Variants in DGKD observed in about 807,000 individuals in gnomAD.
DGKD encodes DAG kinase delta.
A neutral mutation model predicts 154.4 loss-of-function variants in DGKD; 68 were observed. The observed-to-expected ratio is 0.44, with a 90% CI of 0.36 to 0.54. The LOEUF (loss-of-function observed/expected upper bound fraction) is 0.54, where lower values mean the gene tolerates loss of function less well. Ranked by LOEUF, DGKD falls within the 20% of genes least tolerant of loss-of-function variation. The probability of loss-of-function intolerance (pLI) is 0.00; values close to 1 mark genes in which losing one functional copy is unlikely to be tolerated. For synonymous variants in DGKD, 693 were observed against 638.0 expected (o/e 1.09, Z -1.30); for missense variants, 1,343 against 1,593.6 (o/e 0.84, Z 2.68).
intron 7 of DGKD, 68 bp downstream of exon 7, chr2:233,436,509 G>T (rs2062701368): frequency 6.4e-7 from 1 of 1,556,660 alleles, no homozygotes; most frequent in Non-Finnish European, 8.7e-7. Context: ...TGCGGGCCTT[G>T]CGGCTCCGCA....
intron 7 of DGKD, among the ~76,000 whole-genome samples, chr2:233,437,163 G>A (rs1412675883): frequency 6.6e-6 from 1 of 152,222 alleles, no homozygotes; most frequent in Admixed American, 6.5e-5. Flanking sequence ...CTCCTGCCGG[G>A]TATTTCCGTG....
At chr2:233,456,050 A>T (rs1023392113) in intron 19 of DGKD, among the ~76,000 whole-genome samples, 1 of 152,210 alleles carries the variant, frequency 6.6e-6, no homozygotes, top group Non-Finnish European at 1.5e-5. Flanking sequence ...CATGCATAAT[A>T]CATTTCTAGA....
intron 18 of DGKD, chr2:233,454,519 G>A (rs1374758563): frequency 2.0e-6 from 1 of 504,018 alleles, no homozygotes; most frequent in Admixed American, 2.9e-5. Context: ...CTCTTTAGGG[G>A]GATGAAATGC....
At chr2:233,386,455 G>A (rs981037863) in intron 1 of DGKD, among the ~76,000 whole-genome samples, 1 of 151,600 alleles carries the variant, frequency 6.6e-6, no homozygotes, top group Admixed American at 6.6e-5. Context: ...CCAGAATCGG[G>A]GTGGGACTTT....
chr2:233,387,357 A>G (rs962960280), intron 1 of DGKD, among the ~76,000 whole-genome samples: 3 of 152,132 alleles, frequency 2.0e-5, no homozygotes, highest in Admixed American at 2.0e-4. Context: ...TGGACTGGGC[A>G]TTTCCGTGAG....
intron 3 of DGKD, among the ~76,000 whole-genome samples, chr2:233,422,055 G>C (rs545812031): frequency 6.6e-6 from 1 of 152,354 alleles, no homozygotes; most frequent in Non-Finnish European, 1.5e-5. Flanking sequence ...TAAGTGTGTA[G>C]TAGGACCCCC....
intron 1 of DGKD, among the ~76,000 whole-genome samples, chr2:233,363,576 A>G (rs1463043795): frequency 6.6e-6 from 1 of 152,234 alleles, no homozygotes; most frequent in Non-Finnish European, 1.5e-5. Flanking sequence ...TTTACAAAGC[A>G]TAGAGTACTG....
chr2:233,431,925 C>G (rs988478214), intron 3 of DGKD, among the ~76,000 whole-genome samples: 2 of 152,162 alleles, frequency 1.3e-5, no homozygotes, highest in African/African-American at 4.8e-5. Context: ...TGAGTAATTC[C>G]CACAAGCACA....
intron 18 of DGKD, among the ~76,000 whole-genome samples, chr2:233,453,071 AGCACT>A (rs1362351529): frequency 6.6e-6 from 1 of 152,102 alleles, no homozygotes; most frequent in Non-Finnish European, 1.5e-5. Flanking sequence ...TCCTATAGTG[AGCACT>A]GTCCCTAGAG....
intron 3 of DGKD, among the ~76,000 whole-genome samples, chr2:233,410,463 G>A (rs1401542597): frequency 3.3e-5 from 5 of 152,172 alleles, no homozygotes; most frequent in Non-Finnish European, 7.3e-5. Context: ...TTGCTTTAAG[G>A]TATCACTAGA....
intron 1 of DGKD, among the ~76,000 whole-genome samples, chr2:233,372,128 C>T (rs528224531): frequency 1.3e-5 from 2 of 152,082 alleles, no homozygotes; most frequent in African/African-American, 4.8e-5. Flanking sequence ...CTCAAGTGAT[C>T]CTCCCAGTCA....
At chr2:233,466,700 T>C (rs1308066464) in intron 27 of DGKD, among the ~76,000 whole-genome samples, 1 of 152,206 alleles carries the variant, frequency 6.6e-6, no homozygotes, top group Non-Finnish European at 1.5e-5. Context: ...AGACAGATAC[T>C]CGTAATACTA....
Position 233,464,152 on chromosome 2 carries a change from C to G in DGKD, c.3187-12C>G. On this transcript the variant is annotated splice_polypyrimidine_tract_variant and intron_variant, in intron 26 of 29. Coordinates refer to ENST00000264057, the MANE Select transcript of DGKD (RefSeq NM_152879.3). ...CTCTCCATTTCTCTCTCCCTCCCTC[C>G]GCCTGGAGCAGCAGCTGGATCCGCC... 2 of 1,613,308 alleles carry G rather than the reference C, an allele frequency of 1.2e-6. No individual in the cohort carries two copies. The highest frequency in any genetic ancestry group is 8.5e-7 in the Non-Finnish European group (1 of 1,180,034).
chr2:233,455,647 G>C (rs2063437027), intron 19 of DGKD, among the ~76,000 whole-genome samples: 1 of 152,252 alleles, frequency 6.6e-6, no homozygotes, highest in Non-Finnish European at 1.5e-5. Flanking sequence ...CAGAAGCTGG[G>C]AGACCCTTGC....
intron 3 of DGKD, among the ~76,000 whole-genome samples, chr2:233,425,086 A>G (rs1412794871): frequency 6.6e-6 from 1 of 152,178 alleles, no homozygotes. Context: ...TTGGAAAATC[A>G]TGTACTTGAA....
chr2:233,455,524 C>T (rs1244611092), intron 19 of DGKD, among the ~76,000 whole-genome samples: 2 of 152,242 alleles, frequency 1.3e-5, no homozygotes, highest in African/African-American at 4.8e-5. Context: ...TCTCCCTCCC[C>T]ACCCCACAGT....
At chr2:233,428,481 C>T (rs952551945) in intron 3 of DGKD, among the ~76,000 whole-genome samples, 2 of 152,122 alleles carry the variant, frequency 1.3e-5, no homozygotes, top group African/African-American at 2.4e-5. Context: ...CTGAGGGCTT[C>T]GACCCCAAGG....
rs1310006179 is a variant in DGKD at position 233,428,865 on chromosome 2, A to AG, written c.349-5513dup. 7.5e-5 allele frequency among the ~76,000 whole-genome samples: 11 copies of AG among 146,616 alleles called. No individual in the cohort carries two copies. In the East Asian group the frequency reaches 1.8e-3, roughly 23 times the overall value. ...TCACAACAGAACAGGCACAAATAAG[A>AG]GGTTTTTTTTTGTTGTTGTTGTTGT... On this transcript the variant is annotated intron_variant, in intron 3 of 29. Transcript: ENST00000264057.
At chr2:233,374,779 C>G (rs1326699990) in intron 1 of DGKD, among the ~76,000 whole-genome samples, 1 of 152,090 alleles carries the variant, frequency 6.6e-6, no homozygotes, top group Non-Finnish European at 1.5e-5. Flanking sequence ...GTAGCTAGGA[C>G]TGCAGGCGTA....
Sources: allele counts gnomAD v4.1 joint callset (sites outside exome capture counted in the v4.1 genomes callset), GRCh38; gene constraint gnomAD v4.1.1; transcripts MANE v1.5; gene names NCBI Gene and HGNC (gene_info 2026-07-23, HGNC 2026-07-21).